The following STAG1 variants were observed in gnomAD, a reference collection of about 807,000 sequenced individuals.
STAG1 encodes the protein cohesin subunit SA-1.
A neutral mutation model predicts 170.9 loss-of-function variants in STAG1; 26 were observed. The ratio of observed to expected loss-of-function variants is 0.15; its 90% confidence interval spans 0.11 to 0.21. The LOEUF (loss-of-function observed/expected upper bound fraction) is 0.21, where lower values mean the gene tolerates loss of function less well. Among genes scored for constraint, STAG1 ranks in the 10% least tolerant of loss-of-function variants. The pLI is 1.00. For synonymous variants in STAG1, 514 were observed against 497.7 expected, an observed-to-expected ratio of 1.03 and a Z score of -0.44; for missense variants, 964 against 1,509.5, an observed-to-expected ratio of 0.64 and a Z score of 5.99.
chr3:136,545,612 G>T (rs536109706), intron 5 of STAG1, among the ~76,000 whole-genome samples: 1 of 152,110 alleles, frequency 6.6e-6, no homozygotes, highest in South Asian at 2.1e-4. Flanking sequence ...TGAGGAGGGG[G>T]TCTGGGGAAG....
At chr3:136,555,378 A>C (rs777200217) in intron 5 of STAG1, among the ~76,000 whole-genome samples, 1 of 151,798 alleles carries the variant, frequency 6.6e-6, no homozygotes, top group South Asian at 2.1e-4. Context: ...ATAGTGCTAA[A>C]TGAGTTTTTA....
chr3:136,390,641 C>G (rs540267124), intron 22 of STAG1, among the ~76,000 whole-genome samples: 7 of 152,308 alleles, frequency 4.6e-5, no homozygotes, highest in African/African-American at 1.7e-4. Context: ...AAATAAAATG[C>G]TTACATGCGA....
chr3:136,343,488 C>T (rs1300237826), intron 30 of STAG1, among the ~76,000 whole-genome samples: 1 of 151,194 alleles, frequency 6.6e-6, no homozygotes, highest in African/African-American at 2.5e-5. Context: ...CTACTGACAA[C>T]TTAATATAGG....
At chr3:136,424,482 G>A (rs558738701) in intron 16 of STAG1, among the ~76,000 whole-genome samples, 7 of 151,840 alleles carry the variant, frequency 4.6e-5, no homozygotes, top group South Asian at 2.1e-4. Flanking sequence ...CTACAGGTGC[G>A]TACCACTAAG....
rs371532112 is a variant in STAG1, at chr3:136,402,809, A to G, written c.2197-3980T>C. 4.0e-5 allele frequency among the ~76,000 whole-genome samples: 6 copies of G among 151,820 alleles called. No individual in the cohort carries two copies. The East Asian group carries it at 9.8e-4, about 25-fold the overall frequency. ...GCCACTGTACCCCAGCGTGGGTGAC[A>G]GTGAGACTCTGTCTAAAAAAGAAAA... On this transcript the variant is annotated intron_variant, in intron 21 of 33. Coordinates refer to ENST00000383202, the MANE Select transcript of STAG1 (RefSeq NM_005862.3).
rs530479128 is a variant in STAG1, at chr3:136,751,987, G to C, written c.-84+208C>G. ...CCACAGACGTCTCTCCGGGCACTCG[G>C]ACGGCCCACGACCGCCGCACCCCGC... On this transcript the variant is annotated intron_variant, in intron 1 of 33. Coordinates refer to ENST00000383202, the MANE Select transcript of STAG1 (RefSeq NM_005862.3). 2.1e-3 allele frequency among the ~76,000 whole-genome samples: 312 copies of C among 150,850 alleles called. 6 individuals carry two copies. The highest frequency in any genetic ancestry group is 0.014 in the Admixed American group (215 of 15,148).
chr3:136,655,170 A>T (rs1261745023), intron 1 of STAG1, among the ~76,000 whole-genome samples: 2 of 152,248 alleles, frequency 1.3e-5, no homozygotes, highest in Non-Finnish European at 2.9e-5. Context: ...TTGTGCATCA[A>T]GAAACAAATC....
intron 1 of STAG1, among the ~76,000 whole-genome samples, chr3:136,746,561 T>C (rs1404333516): frequency 2.6e-5 from 4 of 152,196 alleles, no homozygotes; most frequent in Non-Finnish European, 5.9e-5. Context: ...TGAAAATATT[T>C]TGCTTCTTGG....
intron 9 of STAG1, among the ~76,000 whole-genome samples, chr3:136,491,232 C>T (rs9818056): frequency 0.2 from 29,654 of 152,042 alleles, 3,203 homozygotes; most frequent in Non-Finnish European, 0.24. Flanking sequence ...GTCTTACCAT[C>T]TCATCCTCCT....
At chr3:136,516,350 A>G (rs1366113406) in intron 7 of STAG1, among the ~76,000 whole-genome samples, 2 of 151,952 alleles carry the variant, frequency 1.3e-5, no homozygotes, top group East Asian at 1.9e-4. Flanking sequence ...TACAAAAACT[A>G]CAAAAAAATT....
At chr3:136,625,895 A>G (rs1045259919) in intron 2 of STAG1, among the ~76,000 whole-genome samples, 2 of 152,198 alleles carry the variant, frequency 1.3e-5, no homozygotes, top group Non-Finnish European at 2.9e-5. Flanking sequence ...GGTATTTAAA[A>G]CCATAAATAA....
intron 6 of STAG1, among the ~76,000 whole-genome samples, chr3:136,531,294 A>G (rs367658490): frequency 6.6e-4 from 98 of 149,370 alleles, no homozygotes; most frequent in African/African-American, 2.3e-3. Context: ...AAATAGGAAC[A>G]CTTTTACACT....
chr3:136,467,129 T>C (rs536394322), intron 12 of STAG1, among the ~76,000 whole-genome samples: 1 of 152,046 alleles, frequency 6.6e-6, no homozygotes. Context: ...CATCATAACG[T>C]AACGACAGGA....
At chr3:136,700,820 C>T (rs1217482933) in intron 1 of STAG1, among the ~76,000 whole-genome samples, 7 of 150,802 alleles carry the variant, frequency 4.6e-5, no homozygotes, top group East Asian at 1.9e-4. Flanking sequence ...AATTAACACA[C>T]GGTCTCTCAA....
At chr3:136,453,560 C>T (rs1307163329) in intron 13 of STAG1, among the ~76,000 whole-genome samples, 1 of 147,084 alleles carries the variant, frequency 6.8e-6, no homozygotes, top group African/African-American at 2.6e-5. Flanking sequence ...CACTGCACTC[C>T]AGCCTGGGTG....
intron 1 of STAG1, among the ~76,000 whole-genome samples, chr3:136,714,812 G>A (rs1458299899): frequency 1.3e-5 from 2 of 148,500 alleles, no homozygotes; most frequent in African/African-American, 5.0e-5. Flanking sequence ...GGGAGACTGA[G>A]ATGGCAAGAT....
At chr3:136,652,750 A>C (rs746347463) in intron 1 of STAG1, among the ~76,000 whole-genome samples, 1 of 152,206 alleles carries the variant, frequency 6.6e-6, no homozygotes, top group Non-Finnish European at 1.5e-5. Context: ...ACCAATCAGA[A>C]ATTAAAATAA....
intron 7 of STAG1, among the ~76,000 whole-genome samples, chr3:136,514,296 C>T (rs987258175): frequency 3.9e-5 from 6 of 152,102 alleles, no homozygotes; most frequent in Non-Finnish European, 8.8e-5. Flanking sequence ...ATGCAGCCAA[C>T]AGACACATGA....
chr3:136,594,276 G>C (rs1429090367), intron 4 of STAG1, among the ~76,000 whole-genome samples: 2 of 152,196 alleles, frequency 1.3e-5, no homozygotes, highest in South Asian at 2.1e-4. Context: ...GATACGAAGC[G>C]ATTTGGCATG....
Sources: gnomAD v4.1 joint callset for allele counts (sites outside exome capture counted in the v4.1 genomes callset) on GRCh38, gnomAD v4.1.1 for gene constraint, MANE v1.5 for transcripts, NCBI Gene and HGNC (gene_info 2026-07-23, HGNC 2026-07-21) for gene names.